Variants in NLK observed in about 807,000 individuals in gnomAD.
NLK encodes nemo like kinase.
NLK carries 11 observed loss-of-function variants against 59.0 expected under a neutral mutation model. The observed-to-expected ratio is 0.19, with a 90% CI of 0.12 to 0.31. The LOEUF is 0.31. NLK is among the 10% of genes least tolerant of loss of function. The probability of loss-of-function intolerance (pLI) is 1.00; values close to 1 mark genes in which losing one functional copy is unlikely to be tolerated. For missense variants in NLK, 410 were observed against 661.1 expected (o/e 0.62, Z 4.16); for synonymous variants, 235 against 235.9 (o/e 1.00, Z 0.03).
rs369889352 is a variant in NLK at position 28,125,415 on chromosome 17, G to A, written c.588+2683G>A. ...CAATCTTTAAGTTTTTTTCATTTTC[G>A]AAGCAGGCATGGTAAAAGCAGAAAT... On this transcript the variant is annotated intron_variant, in intron 2 of 10. Coordinates refer to ENST00000407008, the MANE Select transcript of NLK (RefSeq NM_016231.5). Among the ~76,000 whole-genome samples the A allele has an allele frequency of 6.6e-4, 101 of 152,028 alleles. 3 individuals carry two copies. In the South Asian group the frequency reaches 0.021, roughly 31 times the overall value.
At chr17:28,162,204 G>T (rs904674209) in intron 4 of NLK, among the ~76,000 whole-genome samples, 2 of 151,890 alleles carry the variant, frequency 1.3e-5, no homozygotes, top group African/African-American at 4.8e-5. Flanking sequence ...TTTAGTAGAG[G>T]CAGGGTTTCA....
At chr17:28,066,341 T>A (rs945562418) in intron 1 of NLK, among the ~76,000 whole-genome samples, 2 of 152,238 alleles carry the variant, frequency 1.3e-5, no homozygotes, top group Admixed American at 1.3e-4. Flanking sequence ...TTTCTACATA[T>A]ACCATATACC....
At chr17:28,044,847 C>G (rs560933401) in intron 1 of NLK, among the ~76,000 whole-genome samples, 20 of 152,228 alleles carry the variant, frequency 1.3e-4, no homozygotes, top group Non-Finnish European at 2.9e-5. Context: ...GATCTGGATG[C>G]TTACTTTCTT....
chr17:28,089,213 C>A (rs1028995864), intron 1 of NLK, among the ~76,000 whole-genome samples: 1 of 152,172 alleles, frequency 6.6e-6, no homozygotes, highest in African/African-American at 2.4e-5. Flanking sequence ...TTCCTCTACC[C>A]CTTTGTAATA....
intron 9 of NLK, 68 bp downstream of exon 9, chr17:28,191,287 A>T: frequency 8.0e-7 from 1 of 1,253,902 alleles, no homozygotes; most frequent in Non-Finnish European, 1.1e-6. Flanking sequence ...GTGGCCATGA[A>T]GAGCTGAGAT....
chr17:28,148,517 T>G (rs574637271), intron 3 of NLK, among the ~76,000 whole-genome samples: 2 of 152,334 alleles, frequency 1.3e-5, no homozygotes, highest in East Asian at 3.9e-4. Context: ...AAAGAGACAC[T>G]GAGACAAAGA....
chr17:28,068,090 G>A (rs572155658), intron 1 of NLK, among the ~76,000 whole-genome samples: 2 of 149,838 alleles, frequency 1.3e-5, no homozygotes, highest in East Asian at 3.9e-4. Flanking sequence ...GCAGTAAGCC[G>A]AGAGGGAGCC....
downstream of NLK, among the ~76,000 whole-genome samples, chr17:28,200,842 G>A (rs759427366): frequency 1.2e-4 from 18 of 151,956 alleles, no homozygotes; most frequent in Non-Finnish European, 2.2e-4. Flanking sequence ...ATGCACATCC[G>A]TTTTAACGCT....
intron 7 of NLK, among the ~76,000 whole-genome samples, chr17:28,182,252 G>A (rs545594913): frequency 1.1e-3 from 164 of 152,132 alleles, no homozygotes; most frequent in African/African-American, 3.8e-3. Flanking sequence ...TATCTTCTTG[G>A]TGTTGTTTTT....
At chr17:28,180,712 A>G (rs753552217) in intron 7 of NLK, among the ~76,000 whole-genome samples, 39 of 152,336 alleles carry the variant, frequency 2.6e-4, no homozygotes, top group Non-Finnish European at 3.4e-4. Flanking sequence ...AGGCAATTCA[A>G]TTGTACGAAT....
chr17:28,161,920 C>T (rs1164383677), intron 4 of NLK, among the ~76,000 whole-genome samples: 1 of 152,062 alleles, frequency 6.6e-6, no homozygotes, highest in Admixed American at 6.6e-5. Context: ...AGCTTTCTTA[C>T]CTAGTAAGCA....
intron 1 of NLK, among the ~76,000 whole-genome samples, chr17:28,053,824 G>T (rs565874576): frequency 6.6e-6 from 1 of 152,248 alleles, no homozygotes; most frequent in Non-Finnish European, 1.5e-5. Context: ...ATGTACCATG[G>T]CAGAGAGTTG....
chr17:28,180,669 T>C (rs1908869169), intron 7 of NLK, among the ~76,000 whole-genome samples: 1 of 152,198 alleles, frequency 6.6e-6, no homozygotes, highest in Non-Finnish European at 1.5e-5. Context: ...TAGTTTCACT[T>C]TGAGAGTGGA....
chr17:28,177,538 G>A (rs1439212038), intron 7 of NLK, among the ~76,000 whole-genome samples: 2 of 152,160 alleles, frequency 1.3e-5, no homozygotes. Flanking sequence ...TCCATGCCAG[G>A]AATCTGACTC....
At chr17:28,081,000 C>T (rs542200227) in intron 1 of NLK, among the ~76,000 whole-genome samples, 1 of 151,994 alleles carries the variant, frequency 6.6e-6, no homozygotes, top group African/African-American at 2.4e-5. Context: ...ATCGATCCAC[C>T]CACTTCAGCC....
the NLK span, among the ~76,000 whole-genome samples, chr17:28,203,164 TACACACACACACACACACACAC>T: frequency 7.3e-6 from 1 of 136,928 alleles, no homozygotes; most frequent in South Asian, 2.3e-4. Flanking sequence ...TATACATACA[TACACACACACACACACACACAC>T]ACACACACAC....
In NLK at chr17:28,042,767, A is replaced by G; in HGVS notation, c.-107A>G. ...TGTTTGGATTGACTGATGAAGACAT[A>G]AAGCTCTATGTTTTTTGAGGTGGAG... On this transcript the variant is annotated 5_prime_UTR_variant, in exon 1 of 11. It adds an upstream start codon to the 5' untranslated region. Transcript: ENST00000407008. The G allele has an allele frequency of 9.8e-7, 1 of 1,020,354 alleles. No individual in the cohort carries two copies. The highest frequency in any genetic ancestry group is 1.4e-6 in the Non-Finnish European group (1 of 718,942). The allele number at this position is 1,020,354 out of a possible 1,614,324, so 63.2% of individuals were successfully genotyped here.
intron 10 of NLK, among the ~76,000 whole-genome samples, chr17:28,193,074 C>T (rs182335891): frequency 2.0e-4 from 30 of 152,096 alleles, no homozygotes; most frequent in Non-Finnish European, 3.1e-4. Flanking sequence ...AGGGTCTAAT[C>T]GGGAGAAATA....
chr17:28,180,178 T>C (rs1390405789), intron 7 of NLK, among the ~76,000 whole-genome samples: 1 of 152,192 alleles, frequency 6.6e-6, no homozygotes, highest in East Asian at 1.9e-4. Flanking sequence ...ATGATACTTT[T>C]ATTTTTATTG....
Sources: allele counts gnomAD v4.1 joint callset (sites outside exome capture counted in the v4.1 genomes callset), GRCh38; gene constraint gnomAD v4.1.1; transcripts MANE v1.5; gene names NCBI Gene and HGNC (gene_info 2026-07-23, HGNC 2026-07-21).